The following NAT1 variants were observed in gnomAD, a reference collection of about 807,000 sequenced individuals.
NAT1 encodes arylamine N-acetyltransferase 1.
For missense variants in NAT1, 400 were observed against 339.2 expected, an observed-to-expected ratio of 1.18 and a Z score of -1.41; for synonymous variants, 144 against 122.6, an observed-to-expected ratio of 1.17 and a Z score of -1.16.
intron 2 of NAT1, among the ~76,000 whole-genome samples, chr8:18,174,101 G>A (rs1802201094): frequency 6.6e-6 from 1 of 152,084 alleles, no homozygotes; most frequent in African/African-American, 2.4e-5. Context: ...TCACTAAGAA[G>A]AGAGAAAAAG....
chr8:18,190,511 C>T (rs1165346741), intron 2 of NAT1, among the ~76,000 whole-genome samples: 2 of 152,166 alleles, frequency 1.3e-5, no homozygotes, highest in Non-Finnish European at 2.9e-5. Context: ...TTAGCCCAGG[C>T]GAAAAACTTT....
chr8:18,197,873 G>A (rs1478233260), intron 2 of NAT1, among the ~76,000 whole-genome samples: 1 of 151,670 alleles, frequency 6.6e-6, no homozygotes, highest in Admixed American at 6.6e-5. Flanking sequence ...GATGGGTTCT[G>A]GGAAGTATGT....
intron 2 of NAT1, among the ~76,000 whole-genome samples, chr8:18,171,769 G>A: frequency 1.3e-5 from 2 of 152,304 alleles, no homozygotes; most frequent in South Asian, 2.1e-4. Context: ...AGCTAGAAAC[G>A]CAACAAGGAG....
rs901037855 is a variant in NAT1, at chr8:18,204,707, A to G, written n.93-5074A>G. Among the ~76,000 whole-genome samples, 9 of 152,338 alleles carry G rather than the reference A, an allele frequency of 5.9e-5. No individual in the cohort carries two copies. The East Asian group carries it at 1.7e-3, about 29-fold the overall frequency. ...TTCACTGGAAATTAGTATTTCTAAG[A>G]GTTAAAATGGTAGTCAATATACATA... is the stretch of plus-strand genomic sequence containing the variant. On this transcript the variant is annotated intron_variant and non_coding_transcript_variant, in intron 2 of 4. Coordinates refer to the NAT1 transcript ENST00000517441.
At chr8:18,179,258 G>A (rs1326263672) in intron 2 of NAT1, among the ~76,000 whole-genome samples, 2 of 152,154 alleles carry the variant, frequency 1.3e-5, no homozygotes, top group Non-Finnish European at 2.9e-5. Flanking sequence ...TATCCTCAAT[G>A]TGGTAATACT....
chr8:18,174,978 A>AC lies in NAT1; in HGVS notation n.92+4239_92+4240insC, dbSNP rs1802233699. ...AACAAGTATGTACAACGCTGTGTTG[A>AC]TCTTCTTATATTCCTGCTGCCTGGT... On this transcript the variant is annotated intron_variant and non_coding_transcript_variant, in intron 2 of 4. Transcript: ENST00000517441. 7.2e-5 allele frequency among the ~76,000 whole-genome samples: 11 copies of AC among 152,218 alleles called. No homozygotes were observed. In the South Asian group the frequency reaches 2.3e-3, roughly 32 times the overall value.
At chr8:18,177,027 T>C (rs528964368) in intron 2 of NAT1, among the ~76,000 whole-genome samples, 102 of 152,104 alleles carry the variant, frequency 6.7e-4, no homozygotes, top group Non-Finnish European at 1.4e-3. Context: ...TTGTTATTAG[T>C]GTACAGAAAC....
chr8:18,174,237 C>T (rs1305403641), intron 2 of NAT1, among the ~76,000 whole-genome samples: 2 of 152,170 alleles, frequency 1.3e-5, no homozygotes, highest in African/African-American at 4.8e-5. Context: ...TGAGGCAAGG[C>T]TGTTCAGTGA....
rs775384420 is a variant in NAT1, at chr8:18,222,323, T to C, written c.276T>C (p.Tyr92=). The C allele has an allele frequency of 3.9e-5, 63 of 1,613,970 alleles. No individual in the cohort carries two copies. In the East Asian group the frequency reaches 1.4e-3, roughly 35 times the overall value. The change falls in exon 3 of 3, where the codon TAT becomes TAC. Residue 92 remains tyrosine, a synonymous_variant. Transcript: ENST00000307719. ...TTGAGACCACGATGTTGGGAGGGTA[T>C]GTTTACAGCACTCCAGCCAAAAAAT... ...IGFETTMLGG[Y]VYSTPAKKYS...
rs117152183 is a variant in NAT1 at position 18,196,428 on chromosome 8, C to T, written n.93-13353C>T. ...AAGAAAAAAAAAATAAGTTGTGCCT[C>T]TATAAAAGCCACCCACCAAACACAG... On this transcript the variant is annotated intron_variant and non_coding_transcript_variant, in intron 2 of 4. Coordinates refer to the NAT1 transcript ENST00000517441. Among the ~76,000 whole-genome samples, 135 of 152,210 alleles carry T rather than the reference C, an allele frequency of 8.9e-4. 2 individuals carry two copies. In the East Asian group the frequency reaches 0.024, roughly 27 times the overall value.
chr8:18,192,315 G>A (rs1191733842), intron 2 of NAT1, among the ~76,000 whole-genome samples: 1 of 152,186 alleles, frequency 6.6e-6, no homozygotes, highest in Non-Finnish European at 1.5e-5. Context: ...AGTTAGAATG[G>A]CGATCATTAA....
intron 2 of NAT1, among the ~76,000 whole-genome samples, chr8:18,196,496 C>CA (rs1803240600): frequency 6.6e-6 from 1 of 152,122 alleles, no homozygotes; most frequent in African/African-American, 2.4e-5. Context: ...CACTTCAGTA[C>CA]AAAAAGAGAT....
Position 18,171,677 on chromosome 8 carries a change from T to C in NAT1, n.92+938T>C, listed in dbSNP as rs1198110075. ...AAAACAAAACAAAAAAAACCACACC[T>C]GATTGGTCTGTTACACAATTCTGCA... On this transcript the variant is annotated intron_variant and non_coding_transcript_variant, in intron 2 of 4. Transcript: ENST00000517441. 2.6e-5 allele frequency among the ~76,000 whole-genome samples: 4 copies of C among 152,006 alleles called. No individual in the cohort carries two copies. In the East Asian group the frequency reaches 7.7e-4, roughly 29 times the overall value.
At position 18,173,366 on chromosome 8, in the gene NAT1, G is replaced by T. The variant is rs971645; in HGVS notation, n.92+2627G>T. 3.1e-3 allele frequency among the ~76,000 whole-genome samples: 478 copies of T among 152,184 alleles called. 2 individuals carry two copies. The highest frequency in any genetic ancestry group is 0.011 in the African/African-American group (449 of 41,536). On this transcript the variant is annotated intron_variant and non_coding_transcript_variant, in intron 2 of 4. Transcript: ENST00000517441. Reference sequence around the variant, plus strand: ...CTGTCTTCTACAATAGGTCCCTCTTGTTTTCCACCTCATGGAATGAATGTT... The same window carrying T: ...CTGTCTTCTACAATAGGTCCCTCTTTTTTTCCACCTCATGGAATGAATGTT...
chr8:18,212,627 C>G (rs1227354156), intron 1 of NAT1: 1 of 152,298 alleles, frequency 6.6e-6, no homozygotes, highest in African/African-American at 2.4e-5. Context: ...CCTGGCACCT[C>G]TTGCTCTCTG....
intron 1 of NAT1, among the ~76,000 whole-genome samples, chr8:18,213,111 C>T (rs765667752): frequency 1.1e-4 from 17 of 150,672 alleles, no homozygotes; most frequent in African/African-American, 2.0e-4. Context: ...GGGGTTTCAC[C>T]GTGTTGGCCA....
At chr8:18,216,048 C>T (rs2117377118) in intron 1 of NAT1, among the ~76,000 whole-genome samples, 1 of 54,214 alleles carries the variant, frequency 1.8e-5, no homozygotes, top group African/African-American at 7.8e-5. Flanking sequence ...TGGCCTTTGG[C>T]TCAGTGAATG....
At chr8:18,191,750 A>G (rs1384684077) in intron 2 of NAT1, among the ~76,000 whole-genome samples, 17 of 152,134 alleles carry the variant, frequency 1.1e-4, no homozygotes, top group South Asian at 4.1e-4. Context: ...AGGATTCCCT[A>G]TTTAATAAAT....
At chr8:18,219,348 T>C (rs1455834034) in intron 1 of NAT1, 63 bp from the exon 2 acceptor site, 3 of 1,117,416 alleles carry the variant, frequency 2.7e-6, no homozygotes, top group Non-Finnish European at 3.9e-6. Context: ...TCTACAAAAC[T>C]ATTATTTTGT....
Sources: gnomAD v4.1 joint callset for allele counts (sites outside exome capture counted in the v4.1 genomes callset) on GRCh38, gnomAD v4.1.1 for gene constraint, MANE v1.5 for transcripts, NCBI Gene and HGNC (gene_info 2026-07-23, HGNC 2026-07-21) for gene names.